Variants in RUFY4 observed in about 807,000 individuals in gnomAD.
RUFY4 encodes the protein RUN and FYVE domain containing 4.
RUFY4 carries 73 observed loss-of-function variants against 69.0 expected under a neutral mutation model. The ratio of observed to expected loss-of-function variants is 1.06; its 90% CI spans 0.88 to 1.29. RUFY4 has a LOEUF of 1.29. Ranked by LOEUF, RUFY4 falls within the 50% of genes most tolerant of loss-of-function variation. RUFY4 has a pLI of 0.00. For synonymous variants in RUFY4, 287 were observed against 271.8 expected (o/e 1.06, Z -0.55); for missense variants, 770 against 705.6 (o/e 1.09, Z -1.03).
chr2:218,075,593 C>T, exon 7 of RUFY4: 1 of 1,524,296 alleles, frequency 6.6e-7, no homozygotes, highest in Non-Finnish European at 8.8e-7. Flanking sequence ...GGTCGGGGGG[C>T]TCTAGCATCC....
chr2:218,069,764 C>T (rs1243780716), upstream of RUFY4, among the ~76,000 whole-genome samples: 6 of 152,072 alleles, frequency 3.9e-5, no homozygotes, highest in African/African-American at 7.2e-5. Flanking sequence ...AGCCACAGCC[C>T]GGGAGGCAGG....
chr2:218,045,192 A>G (rs748932549), intron 2 of RUFY4, among the ~76,000 whole-genome samples: 8 of 152,122 alleles, frequency 5.3e-5, no homozygotes, highest in African/African-American at 1.7e-4. Context: ...GCATTTCTCT[A>G]ATGATCATTG....
intron 2 of RUFY4, among the ~76,000 whole-genome samples, chr2:218,037,488 C>A (rs1235843448): frequency 6.6e-6 from 1 of 152,234 alleles, no homozygotes; most frequent in Non-Finnish European, 1.5e-5. Flanking sequence ...AGTTTAGCCT[C>A]ATCAAACACA....
intron 2 of RUFY4, among the ~76,000 whole-genome samples, chr2:218,053,796 C>A (rs547889503): frequency 1.3e-5 from 2 of 152,370 alleles, no homozygotes; most frequent in East Asian, 1.9e-4. Context: ...CCGCGCCCAG[C>A]CGCACCCGGC....
At chr2:218,057,628 C>T (rs6745971) in intron 2 of RUFY4, among the ~76,000 whole-genome samples, 9,875 of 152,176 alleles carry the variant, frequency 0.065, 1,032 homozygotes, top group African/African-American at 0.22. Flanking sequence ...GCTGTAAAAC[C>T]ATCGCCACAG....
In RUFY4 at chr2:218,072,612, T is replaced by G. The variant is rs909967013; in HGVS notation, c.279+113T>G. 8 of 1,426,036 alleles carry G rather than the reference T, an allele frequency of 5.6e-6. No homozygotes were observed. The African/African-American group carries it at 8.5e-5, about 15-fold the overall frequency. The allele number at this position is 1,426,036 out of a possible 1,614,324, so 88.3% of individuals were successfully genotyped here. A position where few individuals can be genotyped will look rare whatever the true frequency, so the allele number is the denominator to read the frequency against. On this transcript the variant is annotated intron_variant, in intron 3 of 10. Coordinates refer to ENST00000344321, the Ensembl canonical transcript of RUFY4. ...AGACCCCTCACCTGCTCTGCATGTC[T>G]CCTAAGCCCTGCCCACAGCACCCCT...
chr2:218,083,577 A>G (rs1396088698), intron 9 of RUFY4, among the ~76,000 whole-genome samples: 1 of 152,026 alleles, frequency 6.6e-6, no homozygotes, highest in African/African-American at 2.4e-5. Context: ...GTGAAACCCC[A>G]TCTATACTAA....
chr2:218,072,895 T>C lies in RUFY4; in HGVS notation c.386+10T>C, dbSNP rs1689526667. The C allele has an allele frequency of 2.6e-6, 4 of 1,513,400 alleles. No homozygotes were observed. The highest frequency in any genetic ancestry group is 2.6e-6 in the Non-Finnish European group (3 of 1,135,350). The allele number at this position is 1,513,400 out of a possible 1,614,324, so 93.7% of individuals were successfully genotyped here. On this transcript the variant is annotated intron_variant, in intron 4 of 10. Coordinates refer to ENST00000344321, the Ensembl canonical transcript of RUFY4. ...ACTCAGAGCTCACCAGGTGGGGCTG[T>C]TGGGACATCCTCCTGCCGATGCCAT...
At chr2:218,071,722 A>G (rs1308364979) in intron 2 of RUFY4, among the ~76,000 whole-genome samples, 1 of 152,006 alleles carries the variant, frequency 6.6e-6, no homozygotes, top group African/African-American at 2.4e-5. Flanking sequence ...TGCTTTACTT[A>G]TCTCATCTGT....
chr2:218,039,157 G>A (rs10198393), intron 2 of RUFY4, among the ~76,000 whole-genome samples: 35,736 of 152,044 alleles, frequency 0.24, 5,306 homozygotes, highest in East Asian at 0.41. Flanking sequence ...CATGAAAAGA[G>A]AACCCAGCAG....
intron 2 of RUFY4, among the ~76,000 whole-genome samples, chr2:218,048,626 C>A (rs1688881329): frequency 6.6e-6 from 1 of 151,952 alleles, no homozygotes. Context: ...CCTTTATTGT[C>A]TCTCTTTATT....
At chr2:218,049,472 C>A (rs1167297483) in intron 2 of RUFY4, among the ~76,000 whole-genome samples, 1 of 151,508 alleles carries the variant, frequency 6.6e-6, no homozygotes, top group Non-Finnish European at 1.5e-5. Context: ...GGAGCCCCTT[C>A]ATATTTAATT....
At chr2:218,071,431 G>A (rs150352956) in intron 2 of RUFY4, among the ~76,000 whole-genome samples, 31 of 152,058 alleles carry the variant, frequency 2.0e-4, no homozygotes, top group Admixed American at 1.2e-3. Context: ...GCCTTTGCTC[G>A]GGCTCTCCCC....
At chr2:218,086,062 AC>A (rs1689887407) in intron 9 of RUFY4, among the ~76,000 whole-genome samples, 1 of 152,240 alleles carries the variant, frequency 6.6e-6, no homozygotes, top group Non-Finnish European at 1.5e-5. Flanking sequence ...AAGATGAAAA[AC>A]ATTCTTGGAA....
chr2:218,077,547 C>T (rs1397158081), intron 8 of RUFY4, among the ~76,000 whole-genome samples: 6 of 152,138 alleles, frequency 3.9e-5, no homozygotes, highest in Admixed American at 3.9e-4. Flanking sequence ...AGAGATCTTC[C>T]GTGGCCTGAC....
intron 9 of RUFY4, among the ~76,000 whole-genome samples, chr2:218,087,245 T>C (rs1436728155): frequency 1.3e-5 from 2 of 152,158 alleles, no homozygotes; most frequent in African/African-American, 2.4e-5. Context: ...TGGTAGCTGA[T>C]AGTCACATGT....
chr2:218,076,538 C>T lies in RUFY4; in HGVS notation c.1355+5C>T, dbSNP rs750824020. 2 of 1,549,776 alleles carry T rather than the reference C, an allele frequency of 1.3e-6. No individual in the cohort carries two copies. Among genetic ancestry groups the T allele is most frequent in the Admixed American group, 2.0e-5 (1 of 50,818 alleles). On this transcript the variant is annotated splice_donor_5th_base_variant and intron_variant, in intron 8 of 10. Coordinates refer to ENST00000344321, the Ensembl canonical transcript of RUFY4. ...ACTTCGGGAGCAGCTCAGCAGGTAA[C>T]CTTGGCAACCCACAGCACAGGGCAC...
At chr2:218,067,301 A>T (rs1391618297), upstream of RUFY4, among the ~76,000 whole-genome samples, 1 of 152,200 alleles carries the variant, frequency 6.6e-6, no homozygotes, top group East Asian at 1.9e-4. Context: ...CACACATGGG[A>T]GGGCTCCAGG....
chr2:218,038,215 T>G (rs1300410902), intron 2 of RUFY4, among the ~76,000 whole-genome samples: 1 of 152,078 alleles, frequency 6.6e-6, no homozygotes, highest in Non-Finnish European at 1.5e-5. Context: ...ACATAACACC[T>G]TAGAATTACA....
Sources: allele counts gnomAD v4.1 joint callset (sites outside exome capture counted in the v4.1 genomes callset), GRCh38; gene constraint gnomAD v4.1.1; transcripts MANE v1.5; gene names NCBI Gene and HGNC (gene_info 2026-07-23, HGNC 2026-07-21).